The following KIRREL3 variants were observed in gnomAD, a reference collection of about 807,000 sequenced individuals.
The protein encoded by KIRREL3 is kin of IRRE-like protein 3.
KIRREL3 carries 36 observed loss-of-function variants against 89.7 expected under a neutral mutation model. The observed-to-expected ratio is 0.40, with a 90% CI of 0.31 to 0.53. KIRREL3 has a LOEUF of 0.53. Ranked by LOEUF, KIRREL3 falls within the 20% of genes least tolerant of loss-of-function variation. The pLI is 0.49. For synonymous variants in KIRREL3, 445 were observed against 441.4 expected, an observed-to-expected ratio of 1.01 and a Z score of -0.10; for missense variants, 864 against 1,056.6, an observed-to-expected ratio of 0.82 and a Z score of 2.53.
rs1565486562 is a variant in KIRREL3, at chr11:126,995,180, G to GC, written c.55+5274dup. 4 of 456,048 alleles carry GC rather than the reference G, an allele frequency of 8.8e-6. No individual in the cohort carries two copies. Among genetic ancestry groups the GC allele is most frequent in the Non-Finnish European group, 1.8e-5 (4 of 226,910 alleles). The allele number at this position is 456,048 out of a possible 1,614,324, so 28.3% of individuals were successfully genotyped here. A position where few individuals can be genotyped will look rare whatever the true frequency, so the allele number is the denominator to read the frequency against. On this transcript the variant is annotated intron_variant, in intron 1 of 16. Coordinates refer to ENST00000525144, the MANE Select transcript of KIRREL3 (RefSeq NM_032531.4). This position sits in a 1 kb window ranked among gnomAD's most constrained non-coding sequence, Gnocchi z 6.5. Reference sequence around the variant, plus strand: ...GATATGAAATCCAAGGGAACTGTTAGCCCCCCAGAGCAGCTGCTCCCACCG... The same window carrying GC: ...GATATGAAATCCAAGGGAACTGTTAGCCCCCCCAGAGCAGCTGCTCCCACCG...
rs548121940 is a variant in KIRREL3 at position 126,830,566 on chromosome 11, G to C, written c.55+169889C>G. Among the ~76,000 whole-genome samples the C allele has an allele frequency of 2.0e-5, 3 of 152,166 alleles. No individual in the cohort carries two copies. Among genetic ancestry groups the C allele is most frequent in the Non-Finnish European group, 4.4e-5 (3 of 68,030 alleles). ...TTTGCATCCCTGGATTCTACAGGTG[G>C]CTCGGTGACAGTCATCTCTTAGTGT... On this transcript the variant is annotated intron_variant, in intron 1 of 16. Transcript: ENST00000525144. The surrounding 1 kb of genome is among the most constrained non-coding windows in gnomAD (Gnocchi z 4.9).
intron 1 of KIRREL3, among the ~76,000 whole-genome samples, chr11:126,781,706 C>T (rs1950331421): frequency 6.6e-6 from 1 of 152,196 alleles, no homozygotes; most frequent in Non-Finnish European, 1.5e-5. Context: ...CTCCCTTCGG[C>T]CCATGCATCA....
intron 1 of KIRREL3, among the ~76,000 whole-genome samples, chr11:126,706,359 A>T (rs1412063123): frequency 6.6e-6 from 1 of 152,248 alleles, no homozygotes; most frequent in African/African-American, 2.4e-5. Flanking sequence ...AGCTATGTGT[A>T]TAATGGAAAG....
Position 126,568,379 on chromosome 11 carries a change from C to G in KIRREL3, c.56-5467G>C, listed in dbSNP as rs1488521248. Among the ~76,000 whole-genome samples the G allele has an allele frequency of 6.6e-6, 1 of 152,246 alleles. No individual in the cohort carries two copies. The highest frequency in any genetic ancestry group is 2.4e-5 in the African/African-American group (1 of 41,474). ...GGAGATGGTGGGCTTGCATCTGCTG[C>G]TTCTTCCTGCTCTCTGAAGATGGCC... is the stretch of plus-strand genomic sequence containing the variant. On this transcript the variant is annotated intron_variant, in intron 1 of 16. Transcript: ENST00000525144. The surrounding 1 kb of genome is among the most constrained non-coding windows in gnomAD (Gnocchi z 4.6).
chr11:126,893,566 T>C (rs183264838), intron 1 of KIRREL3, among the ~76,000 whole-genome samples: 44 of 152,296 alleles, frequency 2.9e-4, no homozygotes, highest in African/African-American at 9.6e-4. Context: ...CCTGAAGGTC[T>C]AGAAGTTTTA....
Position 126,877,222 on chromosome 11 carries a change from T to C in KIRREL3, c.55+123233A>G, listed in dbSNP as rs11220646. 9.2e-5 allele frequency among the ~76,000 whole-genome samples: 14 copies of C among 152,330 alleles called. No individual in the cohort carries two copies. Among genetic ancestry groups the C allele is most frequent in the Admixed American group, 2.6e-4 (4 of 15,302 alleles). ...TTGACAGCCAGTGGCACGAATCCAC[T>C]GGTGAGAAGAGTTCTCTTCTCCAGC... On this transcript the variant is annotated intron_variant, in intron 1 of 16. Coordinates refer to ENST00000525144, the MANE Select transcript of KIRREL3 (RefSeq NM_032531.4). This position sits in a 1 kb window ranked among gnomAD's most constrained non-coding sequence, Gnocchi z 4.9.
chr11:126,999,934 C>A lies in KIRREL3; in HGVS notation c.55+521G>T, dbSNP rs1208451094. ...AGCTTTTCCCAACCACTGCAAATTA[C>A]CCCCCACAATACATTCTGTAATTGC... On this transcript the variant is annotated intron_variant, in intron 1 of 16. Coordinates refer to ENST00000525144, the MANE Select transcript of KIRREL3 (RefSeq NM_032531.4). This position sits in a 1 kb window ranked among gnomAD's most constrained non-coding sequence, Gnocchi z 5.7. 6.6e-6 allele frequency among the ~76,000 whole-genome samples: 1 copy of A among 152,100 alleles called. No homozygotes were observed. Among genetic ancestry groups the A allele is most frequent in the African/African-American group, 2.4e-5 (1 of 41,430 alleles).
In KIRREL3 at chr11:126,802,663, T is replaced by C. The variant is rs1468615964; in HGVS notation, c.55+197792A>G. Among the ~76,000 whole-genome samples, 2 of 152,214 alleles carry C rather than the reference T, an allele frequency of 1.3e-5. No homozygotes were observed. Among genetic ancestry groups the C allele is most frequent in the Non-Finnish European group, 2.9e-5 (2 of 68,036 alleles). On this transcript the variant is annotated intron_variant, in intron 1 of 16. Transcript: ENST00000525144. The surrounding 1 kb of genome is among the most constrained non-coding windows in gnomAD (Gnocchi z 5.2). ...GCTCCCGCCTGGCACCCTGAGCTGC[T>C]GGGACAGGCTCTGGGCACTGCAACC...
At chr11:126,974,768 C>G (rs35958939) in intron 1 of KIRREL3, among the ~76,000 whole-genome samples, 12 of 151,950 alleles carry the variant, frequency 7.9e-5, no homozygotes, top group Non-Finnish European at 1.8e-4. Context: ...TGCAGTGGCA[C>G]GTTCTCAGTT....
intron 12 of KIRREL3, among the ~76,000 whole-genome samples, chr11:126,435,530 G>T (rs1955291946): frequency 6.6e-6 from 1 of 151,658 alleles, no homozygotes; most frequent in Non-Finnish European, 1.5e-5. Context: ...CGTCTCGGAG[G>T]GGTCTGGGAG....
At position 126,647,052 on chromosome 11, in the gene KIRREL3, T is replaced by C. The variant is rs1480141648; in HGVS notation, c.56-84140A>G. 2.0e-5 allele frequency among the ~76,000 whole-genome samples: 3 copies of C among 152,218 alleles called. No individual in the cohort carries two copies. The highest frequency in any genetic ancestry group is 4.4e-5 in the Non-Finnish European group (3 of 68,044). The stretch of plus-strand genomic sequence containing the variant: ...AGCAATTTAGTAATGATGATGACAC[T>C]TAAGCATTTAGAAAGTATTACTCAT... On this transcript the variant is annotated intron_variant, in intron 1 of 16. Transcript: ENST00000525144. This position sits in a 1 kb window ranked among gnomAD's most constrained non-coding sequence, Gnocchi z 4.9.
chr11:126,952,476 T>C (rs998273666), intron 1 of KIRREL3, among the ~76,000 whole-genome samples: 2 of 152,214 alleles, frequency 1.3e-5, no homozygotes, highest in Non-Finnish European at 2.9e-5. Flanking sequence ...AGATTCTAGA[T>C]ATTAGCCCTT....
At chr11:126,586,267 A>C (rs1015186639) in intron 1 of KIRREL3, among the ~76,000 whole-genome samples, 1 of 152,198 alleles carries the variant, frequency 6.6e-6, no homozygotes, top group African/African-American at 2.4e-5. Context: ...ACATAGAGCT[A>C]AAATCAATAA....
rs2134126903 is a variant in KIRREL3, at chr11:126,704,612, T to C, written c.56-141700A>G. ...GTATTTGGCTCAGGCTGACTTTCCA[T>C]ACACAGACAGGGCTCTATTTTTGGA... On this transcript the variant is annotated intron_variant, in intron 1 of 16. Transcript: ENST00000525144. This position sits in a 1 kb window ranked among gnomAD's most constrained non-coding sequence, Gnocchi z 4.2. Among the ~76,000 whole-genome samples, 1 of 152,340 alleles carries C rather than the reference T, an allele frequency of 6.6e-6. No individual in the cohort carries two copies. The highest frequency in any genetic ancestry group is 3.4e-3 in the Middle Eastern group (1 of 294).
intron 1 of KIRREL3, among the ~76,000 whole-genome samples, chr11:126,899,609 C>T (rs1192446732): frequency 6.6e-6 from 1 of 152,194 alleles, no homozygotes. Context: ...AAAGGCTATT[C>T]CATTGTCACC....
chr11:126,762,548 T>G (rs1178863858), intron 1 of KIRREL3, among the ~76,000 whole-genome samples: 1 of 152,206 alleles, frequency 6.6e-6, no homozygotes, highest in South Asian at 2.1e-4. Flanking sequence ...TGTGTAAAAC[T>G]TCCAGATGAA....
chr11:126,584,982 A>C (rs966311206), intron 1 of KIRREL3, among the ~76,000 whole-genome samples: 10 of 151,430 alleles, frequency 6.6e-5, no homozygotes, highest in Non-Finnish European at 1.0e-4. Context: ...GCAGTGGCGC[A>C]ATCTCGGCTC....
At position 126,877,993 on chromosome 11, in the gene KIRREL3, C is replaced by T. The variant is rs958919760; in HGVS notation, c.55+122462G>A. On this transcript the variant is annotated intron_variant, in intron 1 of 16. Transcript: ENST00000525144. This position sits in a 1 kb window ranked among gnomAD's most constrained non-coding sequence, Gnocchi z 4.9. ...TAGAATCAAAGATATGGAGGTGACT[C>T]GTCCAAGGTCTTAGAAGTGGGATGA... Among the ~76,000 whole-genome samples, 10 of 152,136 alleles carry T rather than the reference C, an allele frequency of 6.6e-5. No individual in the cohort carries two copies. Among genetic ancestry groups the T allele is most frequent in the Non-Finnish European group, 1.0e-4 (7 of 68,036 alleles).
At chr11:126,426,217 C>T (rs756338465) in intron 15 of KIRREL3, among the ~76,000 whole-genome samples, 10 of 152,200 alleles carry the variant, frequency 6.6e-5, no homozygotes, top group Non-Finnish European at 1.3e-4. Context: ...TCTTTTCCAG[C>T]GTGCAGGCCT....
Sources: gnomAD v4.1 joint callset for allele counts (sites outside exome capture counted in the v4.1 genomes callset) on GRCh38, gnomAD v4.1.1 for gene constraint, Gnocchi (gnomAD v3.1) non-coding constraint, MANE v1.5 for transcripts, NCBI Gene and HGNC (gene_info 2026-07-23, HGNC 2026-07-21) for gene names.